The following RBMS3 variants were observed in gnomAD, a reference collection of about 807,000 sequenced individuals.
RBMS3 encodes RNA-binding motif, single-stranded-interacting protein 3.
Under a neutral mutation model 66.8 loss-of-function variants are expected in RBMS3, and 27 were observed. The observed-to-expected ratio is 0.40, with a 90% CI of 0.30 to 0.56. The LOEUF (loss-of-function observed/expected upper bound fraction) is 0.56. Ranked by LOEUF, RBMS3 falls within the 20% of genes least tolerant of loss-of-function variation. The pLI is 0.40. For missense variants in RBMS3, 513 were observed against 549.5 expected (o/e 0.93, Z 0.66); for synonymous variants, 188 against 183.0 (o/e 1.03, Z -0.22).
intron 4 of RBMS3, among the ~76,000 whole-genome samples, chr3:29,659,862 G>C (rs926177055): frequency 2.5e-4 from 38 of 151,952 alleles, no homozygotes; most frequent in African/African-American, 9.2e-4. Flanking sequence ...GTGCACCAAG[G>C]GTTCTTATTT....
chr3:29,524,039 A>G (rs1431115907), intron 3 of RBMS3, among the ~76,000 whole-genome samples: 3 of 152,136 alleles, frequency 2.0e-5, no homozygotes, highest in African/African-American at 7.2e-5. Context: ...CGCCCAGCCC[A>G]TAATCTCTTT....
intron 1 of RBMS3, among the ~76,000 whole-genome samples, chr3:29,329,890 TAATTAATATATATATTAATATAACTATAG>T (rs2035555301): frequency 1.4e-5 from 2 of 147,826 alleles, no homozygotes; most frequent in African/African-American, 4.9e-5. Flanking sequence ...TATAACTATA[TAATTAATATATATATTAATATAACTATAG>T]AATTAATATA....
intron 4 of RBMS3, among the ~76,000 whole-genome samples, chr3:29,668,475 G>A (rs1366123588): frequency 6.6e-6 from 1 of 152,148 alleles, no homozygotes; most frequent in Admixed American, 6.5e-5. Flanking sequence ...GGAACGTGTA[G>A]CTGCCTACTG....
chr3:29,776,937 A>C (rs186238531), intron 6 of RBMS3, among the ~76,000 whole-genome samples: 2 of 151,840 alleles, frequency 1.3e-5, no homozygotes, highest in Non-Finnish European at 2.9e-5. Context: ...AGAAATATTT[A>C]CCTTGAATTT....
In RBMS3 at chr3:29,767,733, CATTCCTGCCAGAGTAAAAT is replaced by C. The variant is rs538662253; in HGVS notation, c.637+4747_637+4765del. ...AACACAAATGTTTGTATAAACTTAA[CATTCCTGCCAGAGTAAAAT>C]ATCGACAACATATTTAAATGCAATT... On this transcript the variant is annotated intron_variant, in intron 6 of 14. Coordinates refer to ENST00000383767, the MANE Select transcript of RBMS3 (RefSeq NM_001003793.3). 4.3e-3 allele frequency among the ~76,000 whole-genome samples: 651 copies of C among 152,036 alleles called. 5 individuals are homozygous for C. The highest frequency in any genetic ancestry group is 0.015 in the African/African-American group (605 of 41,524).
chr3:29,302,491 C>A (rs777733625), intron 1 of RBMS3, among the ~76,000 whole-genome samples: 1 of 151,930 alleles, frequency 6.6e-6, no homozygotes, highest in Non-Finnish European at 1.5e-5. Flanking sequence ...TCAGGGAGAA[C>A]ACAGTGGATT....
intron 1 of RBMS3, among the ~76,000 whole-genome samples, chr3:29,401,309 A>G (rs1299240918): frequency 6.6e-6 from 1 of 152,104 alleles, no homozygotes; most frequent in Non-Finnish European, 1.5e-5. Flanking sequence ...TTTCAGTAAG[A>G]TATCATCACA....
chr3:30,010,117 A>G lies in RBMS3; in HGVS notation c.*6255A>G, dbSNP rs1699922199. 6.6e-6 allele frequency: 1 copy of G among 151,596 alleles called. No homozygotes were observed. Among genetic ancestry groups the G allele is most frequent in the Non-Finnish European group, 1.5e-5 (1 of 67,914 alleles). 9.4% of individuals were successfully genotyped at this position (151,596 alleles called of 1,614,324 possible). On this transcript the variant is annotated 3_prime_UTR_variant, in exon 15 of 15. Transcript: ENST00000383767. ...CAGCTTCTTTTAAAACCCTTGTTTC[A>G]GTCCATATTCAACTTCATGGAACTT...
intron 4 of RBMS3, among the ~76,000 whole-genome samples, chr3:29,695,243 T>A (rs1191809797): frequency 2.0e-5 from 3 of 152,180 alleles, no homozygotes; most frequent in Non-Finnish European, 4.4e-5. Context: ...TAAATAAAAC[T>A]AACAAATTTT....
At chr3:29,324,569 G>A (rs1342601250) in intron 1 of RBMS3, among the ~76,000 whole-genome samples, 1 of 151,954 alleles carries the variant, frequency 6.6e-6, no homozygotes, top group East Asian at 1.9e-4. Context: ...CTGCTGGAGT[G>A]GGTAGGATTG....
At chr3:29,613,746 C>T (rs1268819604) in intron 4 of RBMS3, among the ~76,000 whole-genome samples, 2 of 151,884 alleles carry the variant, frequency 1.3e-5, no homozygotes, top group African/African-American at 2.4e-5. Flanking sequence ...TAAAAAAATG[C>T]TCAACATCAC....
At chr3:29,393,438 A>G (rs9872131) in intron 1 of RBMS3, among the ~76,000 whole-genome samples, 67,489 of 152,060 alleles carry the variant, frequency 0.44, 15,955 homozygotes, top group East Asian at 0.65. Flanking sequence ...ATGCACACAC[A>G]CACACAATTA....
intron 1 of RBMS3, among the ~76,000 whole-genome samples, chr3:29,353,574 G>A (rs1273525870): frequency 6.6e-6 from 1 of 151,972 alleles, no homozygotes; most frequent in Admixed American, 6.6e-5. Context: ...GAAAGGAAAA[G>A]TCTGGTGGGA....
At chr3:29,396,782 T>TAGG (rs762898506) in intron 1 of RBMS3, among the ~76,000 whole-genome samples, 2 of 152,136 alleles carry the variant, frequency 1.3e-5, no homozygotes, top group Non-Finnish European at 2.9e-5. Context: ...CCCAAAAAAA[T>TAGG]ACTTTTAAAT....
intron 1 of RBMS3, among the ~76,000 whole-genome samples, 155 bp downstream of exon 1, chr3:29,281,911 A>G (rs1316536229): frequency 6.6e-6 from 1 of 152,174 alleles, no homozygotes; most frequent in Non-Finnish European, 1.5e-5. Context: ...TTAATGAGGC[A>G]GAGGAAGACA....
At chr3:29,338,677 CCTCCT>C (rs1270714779) in intron 1 of RBMS3, among the ~76,000 whole-genome samples, 2 of 145,626 alleles carry the variant, frequency 1.4e-5, no homozygotes, top group African/African-American at 2.5e-5. Flanking sequence ...CTCCTCTCCT[CCTCCT>C]CTCCTCTCCT....
At chr3:29,495,087 G>A (rs1009402365) in intron 3 of RBMS3, among the ~76,000 whole-genome samples, 4 of 147,544 alleles carry the variant, frequency 2.7e-5, no homozygotes, top group African/African-American at 7.3e-5. Flanking sequence ...CATCCATGAA[G>A]GATATTCATT....
chr3:29,472,355 C>T (rs2042761060), intron 2 of RBMS3, among the ~76,000 whole-genome samples: 1 of 152,024 alleles, frequency 6.6e-6, no homozygotes, highest in Admixed American at 6.6e-5. Context: ...GCCATCACGC[C>T]CAGCTAATTT....
At chr3:29,994,881 G>C (rs932384758) in intron 14 of RBMS3, among the ~76,000 whole-genome samples, 1 of 152,208 alleles carries the variant, frequency 6.6e-6, no homozygotes, top group African/African-American at 2.4e-5. Flanking sequence ...CTCCTCCAAA[G>C]GAACGCAGTT....
Sources: gnomAD v4.1 joint callset for allele counts (sites outside exome capture counted in the v4.1 genomes callset) on GRCh38, gnomAD v4.1.1 for gene constraint, MANE v1.5 for transcripts, NCBI Gene and HGNC (gene_info 2026-07-23, HGNC 2026-07-21) for gene names.